SPAG16: variants seen among roughly 807,000 people sequenced by gnomAD.
SPAG16 encodes sperm associated antigen 16, also known as sperm-associated antigen 16 protein.
A neutral mutation model predicts 80.4 loss-of-function variants in SPAG16; 86 were observed. That is an observed-to-expected ratio of 1.07 (90% CI 0.90 to 1.28). The LOEUF is 1.28. Ranked by LOEUF, SPAG16 falls within the 50% of genes most tolerant of loss-of-function variation. SPAG16 has a pLI of 0.00. For synonymous variants in SPAG16, 294 were observed against 265.9 expected (o/e 1.11, Z -1.03); for missense variants, 870 against 765.3 (o/e 1.14, Z -1.61).
At chr2:213,556,312 C>CAAAAAAAAAAAAAAAA (rs35010847) in intron 10 of SPAG16, among the ~76,000 whole-genome samples, 1 of 112,826 alleles carries the variant, frequency 8.9e-6, no homozygotes. Flanking sequence ...AAAAAAAAAC[C>CAAAAAAAAAAAAAAAA]AAAAAAAAAA....
At chr2:214,173,734 C>A (rs1390162741) in intron 15 of SPAG16, among the ~76,000 whole-genome samples, 1 of 151,846 alleles carries the variant, frequency 6.6e-6, no homozygotes, top group Non-Finnish European at 1.5e-5. Flanking sequence ...ATGAGGCCAG[C>A]ATCATCCTGA....
At chr2:214,082,468 C>T (rs767509163) in intron 13 of SPAG16, among the ~76,000 whole-genome samples, 4 of 152,132 alleles carry the variant, frequency 2.6e-5, no homozygotes, top group Admixed American at 6.5e-5. Context: ...GATATGATTG[C>T]CCTGCTTCTG....
chr2:213,412,497 T>C (rs914382001), intron 9 of SPAG16, among the ~76,000 whole-genome samples: 2 of 152,238 alleles, frequency 1.3e-5, no homozygotes, highest in Non-Finnish European at 2.9e-5. Flanking sequence ...GAGCACCTCG[T>C]TTAACTTTTA....
chr2:214,384,694 T>C (rs905421251), intron 15 of SPAG16, among the ~76,000 whole-genome samples: 2 of 133,042 alleles, frequency 1.5e-5, no homozygotes, highest in Non-Finnish European at 3.6e-5. Flanking sequence ...GCAGCAAAAC[T>C]CTTTTTCATT....
chr2:213,894,628 A>T (rs1406331741), intron 11 of SPAG16, among the ~76,000 whole-genome samples: 1 of 152,170 alleles, frequency 6.6e-6, no homozygotes, highest in Non-Finnish European at 1.5e-5. Flanking sequence ...GAAATTTAAA[A>T]GTATCCAAAT....
At chr2:213,768,262 C>G (rs1329068013) in intron 10 of SPAG16, among the ~76,000 whole-genome samples, 1 of 152,096 alleles carries the variant, frequency 6.6e-6, no homozygotes, top group Non-Finnish European at 1.5e-5. Flanking sequence ...GCAATAAAGG[C>G]AGGCTTTCTA....
At chr2:213,728,430 T>C in intron 10 of SPAG16, among the ~76,000 whole-genome samples, 1 of 152,176 alleles carries the variant, frequency 6.6e-6, no homozygotes, top group East Asian at 1.9e-4. Context: ...TCATATGCTG[T>C]ACTTAGCAGC....
intron 13 of SPAG16, among the ~76,000 whole-genome samples, chr2:214,047,284 T>G (rs1163982691): frequency 6.6e-6 from 1 of 152,104 alleles, no homozygotes; most frequent in African/African-American, 2.4e-5. Flanking sequence ...GACTTCAAAT[T>G]ATGCTCCAGA....
At chr2:214,007,298 T>C (rs1327485002) in intron 12 of SPAG16, among the ~76,000 whole-genome samples, 1 of 152,042 alleles carries the variant, frequency 6.6e-6, no homozygotes, top group African/African-American at 2.4e-5. Flanking sequence ...ATGCCTCAGT[T>C]AAAACAAAAC....
intron 9 of SPAG16, among the ~76,000 whole-genome samples, chr2:213,484,498 A>G (rs1232571584): frequency 6.6e-6 from 1 of 152,192 alleles, no homozygotes; most frequent in African/African-American, 2.4e-5. Context: ...CATTTGAGTG[A>G]TGAATGAAAT....
At chr2:213,684,194 A>G (rs1422471540) in intron 10 of SPAG16, among the ~76,000 whole-genome samples, 1 of 152,222 alleles carries the variant, frequency 6.6e-6, no homozygotes, top group Admixed American at 6.5e-5. Flanking sequence ...TTTGCTTGCT[A>G]ATAAAGATCA....
chr2:213,862,364 A>G, intron 10 of SPAG16, 121 bp from the exon 11 acceptor site: 1 of 1,240,840 alleles, frequency 8.1e-7, no homozygotes, highest in Non-Finnish European at 1.1e-6. Context: ...TTTTGGGGCC[A>G]GTACTCTCAA....
chr2:213,509,549 A>T (rs1352420787), intron 10 of SPAG16, among the ~76,000 whole-genome samples: 1 of 152,242 alleles, frequency 6.6e-6, no homozygotes, highest in Non-Finnish European at 1.5e-5. Context: ...GACTAGAAAG[A>T]TAAATACCAA....
At chr2:213,859,178 C>CAAAAAA (rs1165853142) in intron 10 of SPAG16, among the ~76,000 whole-genome samples, 262 of 9,372 alleles carry the variant, frequency 0.028, 100 homozygotes, top group South Asian at 0.07. Context: ...CACTCCGTCT[C>CAAAAAA]AAAAAAAAAA....
rs775275389 is a variant in SPAG16, at chr2:213,490,109, T to A, written c.1070+19T>A. 5 of 1,556,810 alleles carry A rather than the reference T, an allele frequency of 3.2e-6. No individual in the cohort carries two copies. The highest frequency in any genetic ancestry group is 4.3e-6 in the Non-Finnish European group (5 of 1,156,462). Reference sequence around the variant, plus strand: ...TGAGCTGGTAGGATTTTTGATGTTTTATTAATACTTTTGAGATTTTATTTT... The same window carrying A: ...TGAGCTGGTAGGATTTTTGATGTTTAATTAATACTTTTGAGATTTTATTTT... On this transcript the variant is annotated intron_variant, in intron 10 of 15. Coordinates refer to ENST00000331683, the MANE Select transcript of SPAG16 (RefSeq NM_024532.5).
chr2:214,191,257 A>G (rs1290566141), intron 15 of SPAG16, among the ~76,000 whole-genome samples: 1 of 152,134 alleles, frequency 6.6e-6, no homozygotes, highest in African/African-American at 2.4e-5. Flanking sequence ...AATAATGCTT[A>G]TCAGAACTCT....
chr2:214,219,973 T>C (rs1314497315), intron 15 of SPAG16, among the ~76,000 whole-genome samples: 1 of 151,000 alleles, frequency 6.6e-6, no homozygotes, highest in Non-Finnish European at 1.5e-5. Flanking sequence ...GTTCATCCTC[T>C]AGAGATACAT....
chr2:213,821,169 A>G (rs899614708), intron 10 of SPAG16, among the ~76,000 whole-genome samples: 3 of 151,934 alleles, frequency 2.0e-5, no homozygotes, highest in African/African-American at 4.8e-5. Context: ...ATTGTTTTCT[A>G]TTTTTATGAA....
intron 15 of SPAG16, among the ~76,000 whole-genome samples, chr2:214,284,492 C>T (rs1052213746): frequency 2.0e-5 from 3 of 152,156 alleles, no homozygotes; most frequent in African/African-American, 7.2e-5. Flanking sequence ...GTGCATCTGT[C>T]TCATGTTTCT....
Sources: gnomAD v4.1 joint callset for allele counts (sites outside exome capture counted in the v4.1 genomes callset) on GRCh38, gnomAD v4.1.1 for gene constraint, MANE v1.5 for transcripts, NCBI Gene and HGNC (gene_info 2026-07-23, HGNC 2026-07-21) for gene names.